Variants in ZFAT observed in about 807,000 individuals in gnomAD.
The protein encoded by ZFAT is zinc finger protein ZFAT.
ZFAT carries 64 observed loss-of-function variants against 117.7 expected under a neutral mutation model. The observed-to-expected ratio is 0.54, with a 90% CI of 0.44 to 0.67. ZFAT has a LOEUF of 0.67. Among genes scored for constraint, ZFAT ranks in the 30% least tolerant of loss-of-function variants. The pLI is 0.00. For synonymous variants in ZFAT, 679 were observed against 615.0 expected (o/e 1.10, Z -1.54); for missense variants, 1,433 against 1,584.5 (o/e 0.90, Z 1.62).
At chr8:134,771,139 A>G in the ZFAT span, among the ~76,000 whole-genome samples, 39 of 152,250 alleles carry the variant, frequency 2.6e-4, no homozygotes, top group African/African-American at 8.9e-4. Flanking sequence ...CCCCTTTTGA[A>G]AATCTCTAAT....
chr8:134,614,557 T>C (rs1190383665), intron 3 of ZFAT, among the ~76,000 whole-genome samples: 3 of 152,234 alleles, frequency 2.0e-5, no homozygotes, highest in Non-Finnish European at 4.4e-5. Flanking sequence ...ACATGCCTTA[T>C]CCATATTGTG....
At chr8:134,786,863 T>C in the ZFAT span, among the ~76,000 whole-genome samples, 3 of 150,972 alleles carry the variant, frequency 2.0e-5, no homozygotes, top group African/African-American at 7.3e-5. Flanking sequence ...TTTTTAATTT[T>C]AGACAGGCAG....
chr8:134,514,201 G>A (rs369780785), intron 13 of ZFAT, among the ~76,000 whole-genome samples: 2 of 152,212 alleles, frequency 1.3e-5, no homozygotes, highest in East Asian at 3.8e-4. Flanking sequence ...GATGAGTATG[G>A]AGTCAACTAC....
At position 134,602,771 on chromosome 8, in the gene ZFAT, C is replaced by A. The variant is rs1262294826; in HGVS notation, c.948G>T (p.Val316=). 1.9e-6 allele frequency: 3 copies of A among 1,614,228 alleles called. No individual in the cohort carries two copies. The Admixed American group carries it at 5.0e-5, about 27-fold the overall frequency. Residue 316 remains valine, a synonymous_variant, in exon 6 of 16, where the codon GTG becomes GTT. Transcript: ENST00000377838. ...TCTCTCCAGTGTGCTTGCGCAGGTG[C>A]ACATTGAGGTTGGCCTTGATGGCAC... ...YASAIKANLN[V]HLRKHTGEKF...
At chr8:134,501,593 G>A (rs985788567) in intron 15 of ZFAT, among the ~76,000 whole-genome samples, 2 of 152,126 alleles carry the variant, frequency 1.3e-5, no homozygotes, top group Admixed American at 6.5e-5. Flanking sequence ...ATTACGGTGC[G>A]AGAGAATACA....
the ZFAT span, among the ~76,000 whole-genome samples, chr8:134,827,234 T>C: frequency 3.6e-3 from 549 of 152,174 alleles, 5 homozygotes; most frequent in African/African-American, 0.013. Context: ...TTGTTATTTT[T>C]GTAGAGACAG....
chr8:134,564,352 G>A (rs533177133), intron 11 of ZFAT, among the ~76,000 whole-genome samples: 3 of 152,148 alleles, frequency 2.0e-5, no homozygotes, highest in South Asian at 2.1e-4. Context: ...AACACCCCAC[G>A]CCCTGTCCCC....
chr8:134,484,208 C>G (rs568976865), intron 15 of ZFAT, among the ~76,000 whole-genome samples: 62 of 152,326 alleles, frequency 4.1e-4, no homozygotes, highest in African/African-American at 1.5e-3. Context: ...GCACAGATCT[C>G]CCCAGAAGCA....
At chr8:134,606,327 C>T (rs1827884588) in intron 5 of ZFAT, among the ~76,000 whole-genome samples, 1 of 152,190 alleles carries the variant, frequency 6.6e-6, no homozygotes, top group Non-Finnish European at 1.5e-5. Flanking sequence ...GTTGATAACA[C>T]TATATCCTCA....
intron 10 of ZFAT, among the ~76,000 whole-genome samples, chr8:134,569,241 T>C (rs368626155): frequency 1.9e-4 from 29 of 152,082 alleles, no homozygotes; most frequent in African/African-American, 6.0e-4. Context: ...TCTGAGTACT[T>C]GCCAGATCAC....
chr8:134,680,343 G>A (rs1833017501), intron 1 of ZFAT, among the ~76,000 whole-genome samples: 2 of 151,914 alleles, frequency 1.3e-5, no homozygotes, highest in Non-Finnish European at 2.9e-5. Context: ...TGATAGTTTG[G>A]CTAGAGCATA....
At chr8:134,710,177 G>A (rs7840482) in intron 1 of ZFAT, among the ~76,000 whole-genome samples, 4,520 of 152,284 alleles carry the variant, frequency 0.03, 225 homozygotes, top group African/African-American at 0.1. Flanking sequence ...CAACGTGGGA[G>A]GAGGAAGGCA....
chr8:134,497,388 C>T (rs1181431460), intron 15 of ZFAT, among the ~76,000 whole-genome samples: 3 of 152,216 alleles, frequency 2.0e-5, no homozygotes, highest in Non-Finnish European at 4.4e-5. Context: ...TTCTAATGTG[C>T]AGGATGCCCC....
intron 15 of ZFAT, among the ~76,000 whole-genome samples, chr8:134,480,528 T>C (rs1290582259): frequency 6.6e-6 from 1 of 152,212 alleles, no homozygotes; most frequent in African/African-American, 2.4e-5. Flanking sequence ...ACCACAGTCC[T>C]CTGAGGAAGC....
intron 13 of ZFAT, among the ~76,000 whole-genome samples, chr8:134,516,992 T>C (rs13274487): frequency 0.28 from 42,668 of 152,098 alleles, 6,575 homozygotes; most frequent in Admixed American, 0.36. Context: ...CATTATAAAC[T>C]TACAGAATTA....
At chr8:134,696,420 G>A (rs889388400) in intron 1 of ZFAT, 26 of 985,486 alleles carry the variant, frequency 2.6e-5, no homozygotes, top group Non-Finnish European at 3.0e-5. Context: ...AACTCGCATC[G>A]GGAGAATTAC....
chr8:134,583,924 C>A lies in ZFAT; in HGVS notation c.2795G>T (p.Ser932Ile). 1 of 1,603,094 alleles carries A rather than the reference C, an allele frequency of 6.2e-7. No homozygotes were observed. Among genetic ancestry groups the A allele is most frequent in the Non-Finnish European group, 8.5e-7 (1 of 1,174,230 alleles). Residue 932 changes from serine to isoleucine, a missense_variant, in exon 10 of 16, where the codon AGC becomes ATC. By Grantham distance (142) the Ser-to-Ile change is moderately radical. Transcript: ENST00000377838. Reference sequence around the variant, plus strand: ...GTCACATAGGTGGGTTTTCTCAGTGCTGTGACGATTCATATGAGCCTTGAG... The same window carrying A: ...GTCACATAGGTGGGTTTTCTCAGTGATGTGACGATTCATATGAGCCTTGAG... ...SNLKAHMNRHSTEKTHLCDMC... is the reference protein window; with the variant it reads ...SNLKAHMNRHITEKTHLCDMC...
At chr8:134,481,376 C>T (rs1037086499) in intron 15 of ZFAT, among the ~76,000 whole-genome samples, 1 of 152,200 alleles carries the variant, frequency 6.6e-6, no homozygotes, top group Non-Finnish European at 1.5e-5. Flanking sequence ...AAACAGACCA[C>T]ACACAATACA....
At chr8:134,737,752 C>CCTAG in the ZFAT span, among the ~76,000 whole-genome samples, 1 of 152,260 alleles carries the variant, frequency 6.6e-6, no homozygotes, top group East Asian at 1.9e-4. Context: ...AGTTGATGAA[C>CCTAG]CTAGCATCAT....
Sources: gnomAD v4.1 joint callset for allele counts (sites outside exome capture counted in the v4.1 genomes callset) on GRCh38, gnomAD v4.1.1 for gene constraint, MANE v1.5 for transcripts, NCBI Gene and HGNC (gene_info 2026-07-23, HGNC 2026-07-21) for gene names.